Variants in SPRED2 observed in about 807,000 individuals in gnomAD.
SPRED2 encodes sprouty-related, EVH1 domain-containing protein 2.
In SPRED2, 47 loss-of-function variants were observed where a neutral mutation model predicts 43.0. The ratio of observed to expected loss-of-function variants is 1.09; its 90% CI spans 0.87 to 1.40. The LOEUF is 1.40. Ranked by LOEUF, SPRED2 falls within the 40% of genes most tolerant of loss-of-function variation. SPRED2 has a pLI of 0.00. For synonymous variants in SPRED2, 225 were observed against 225.7 expected (o/e 1.00, Z 0.03); for missense variants, 561 against 586.4 (o/e 0.96, Z 0.45).
intron 5 of SPRED2, 35 bp downstream of exon 5, chr2:65,316,699 C>T (rs1250407396): frequency 6.3e-7 from 1 of 1,585,556 alleles, no homozygotes; most frequent in Middle Eastern, 2.1e-4. Context: ...GAGGCACCAC[C>T]CTGATGCCCT....
chr2:65,334,891 G>T, intron 2 of SPRED2, 118 bp from the exon 3 acceptor site: 1 of 983,770 alleles, frequency 1.0e-6, no homozygotes, highest in Non-Finnish European at 1.6e-6. Context: ...TCTAACCCCT[G>T]CCTTCACATA....
intron 1 of SPRED2, among the ~76,000 whole-genome samples, chr2:65,385,760 CT>C (rs1675481158): frequency 6.6e-6 from 1 of 152,106 alleles, no homozygotes; most frequent in African/African-American, 2.4e-5. Context: ...AGGGAAAATG[CT>C]TATGGGCTCT....
intron 1 of SPRED2, among the ~76,000 whole-genome samples, chr2:65,401,921 ATATTAG>A (rs1675898043): frequency 8.9e-6 from 1 of 111,992 alleles, no homozygotes; most frequent in African/African-American, 3.3e-5. Context: ...AACGATCAGA[ATATTAG>A]CGCGCGCGCG....
intron 1 of SPRED2, among the ~76,000 whole-genome samples, chr2:65,363,539 C>T (rs1003390547): frequency 6.6e-6 from 1 of 152,194 alleles, no homozygotes; most frequent in African/African-American, 2.4e-5. Flanking sequence ...GATTTACCTA[C>T]AAGTGTTATT....
chr2:65,316,212 A>G (rs1404454445), intron 5 of SPRED2, among the ~76,000 whole-genome samples: 3 of 152,184 alleles, frequency 2.0e-5, no homozygotes, highest in Non-Finnish European at 4.4e-5. Context: ...GAACTACCGA[A>G]TTCTGAGCTC....
intron 4 of SPRED2, among the ~76,000 whole-genome samples, chr2:65,325,013 T>C (rs1243815719): frequency 6.6e-6 from 1 of 152,198 alleles, no homozygotes; most frequent in Non-Finnish European, 1.5e-5. Flanking sequence ...CCTGGGCTGT[T>C]TTCTCAAGGA....
chr2:65,383,934 A>T (rs1675433816), intron 1 of SPRED2, among the ~76,000 whole-genome samples: 1 of 152,200 alleles, frequency 6.6e-6, no homozygotes. Context: ...TCTGCAGGTC[A>T]TTTGCTGTAG....
chr2:65,320,402 A>G (rs1437895749), intron 4 of SPRED2, among the ~76,000 whole-genome samples: 1 of 152,210 alleles, frequency 6.6e-6, no homozygotes, highest in East Asian at 1.9e-4. Flanking sequence ...CCTAGGACTC[A>G]TTAGTCGATC....
At chr2:65,354,704 G>A (rs1004772788) in intron 1 of SPRED2, among the ~76,000 whole-genome samples, 2 of 151,100 alleles carry the variant, frequency 1.3e-5, no homozygotes, top group African/African-American at 4.9e-5. Flanking sequence ...TAAACCACAA[G>A]AATACTAAAT....
chr2:65,355,243 C>T (rs1316614115), intron 1 of SPRED2, among the ~76,000 whole-genome samples: 2 of 152,088 alleles, frequency 1.3e-5, no homozygotes, highest in East Asian at 3.8e-4. Flanking sequence ...GTATCAGTCA[C>T]GTATCTGTGC....
chr2:65,399,928 C>A (rs1675844271), intron 1 of SPRED2, among the ~76,000 whole-genome samples: 1 of 152,098 alleles, frequency 6.6e-6, no homozygotes, highest in Non-Finnish European at 1.5e-5. Flanking sequence ...AGAACTTATT[C>A]ATGTAACCAA....
rs1008008721 is a variant in SPRED2, at chr2:65,376,203, T to C, written c.27-31307A>G. Among the ~76,000 whole-genome samples, 3 of 152,306 alleles carry C rather than the reference T, an allele frequency of 2.0e-5. No homozygotes were observed. The South Asian group carries it at 6.2e-4, about 32-fold the overall frequency. ...CTTTAGAGGCTGTCAGCTCAGTTTATATTTCAGGGTGAAGAAGGGGAAACG... is the reference window on the plus strand; with the variant it reads ...CTTTAGAGGCTGTCAGCTCAGTTTACATTTCAGGGTGAAGAAGGGGAAACG... On this transcript the variant is annotated intron_variant, in intron 1 of 5. Coordinates refer to ENST00000356388, the MANE Select transcript of SPRED2 (RefSeq NM_181784.3).
At position 65,432,229 on chromosome 2, in the gene SPRED2, C is replaced by A. The variant is rs2103834255; in HGVS notation, c.-242G>T. On this transcript the variant is annotated 5_prime_UTR_variant, in exon 1 of 6. Coordinates refer to ENST00000356388, the MANE Select transcript of SPRED2 (RefSeq NM_181784.3). Reference sequence around the variant, plus strand: ...CCGCAGCGCCGTGGGGAGAGGCGGGCGGAGGCTCCGGGGGCTCGGGAGCGG... The same window carrying A: ...CCGCAGCGCCGTGGGGAGAGGCGGGAGGAGGCTCCGGGGGCTCGGGAGCGG... The A allele has an allele frequency of 2.0e-6, 1 of 493,650 alleles. No homozygotes were observed. Among genetic ancestry groups the A allele is most frequent in the East Asian group, 3.4e-5 (1 of 29,414 alleles). 30.6% of individuals were successfully genotyped at this position (493,650 alleles called of 1,614,324 possible).
chr2:65,414,807 G>A (rs559642040), intron 1 of SPRED2, among the ~76,000 whole-genome samples: 110 of 152,326 alleles, frequency 7.2e-4, no homozygotes, highest in Non-Finnish European at 1.4e-3. Flanking sequence ...GCGGGACAGG[G>A]AGAACAGAGT....
chr2:65,318,177 C>T (rs901852792), intron 4 of SPRED2, among the ~76,000 whole-genome samples: 9 of 152,150 alleles, frequency 5.9e-5, no homozygotes, highest in African/African-American at 2.2e-4. Context: ...TGCCTGCCAC[C>T]ATCCGCGTAA....
chr2:65,329,412 C>T (rs965151971), intron 4 of SPRED2, among the ~76,000 whole-genome samples: 3 of 152,196 alleles, frequency 2.0e-5, no homozygotes, highest in Non-Finnish European at 2.9e-5. Flanking sequence ...TTAATAGGTC[C>T]TTGTTTGTAA....
chr2:65,332,154 G>A (rs1673832253), intron 3 of SPRED2, 103 bp from the exon 4 acceptor site: 2 of 645,124 alleles, frequency 3.1e-6, no homozygotes, highest in African/African-American at 3.8e-5. Context: ...CATTCTTTTT[G>A]CATGTGAATT....
intron 4 of SPRED2, among the ~76,000 whole-genome samples, chr2:65,317,806 C>T (rs967724118): frequency 2.0e-5 from 3 of 152,054 alleles, no homozygotes; most frequent in Non-Finnish European, 4.4e-5. Flanking sequence ...TCACTTTAAA[C>T]TGGAAGTGAG....
intron 4 of SPRED2, among the ~76,000 whole-genome samples, chr2:65,320,581 A>G (rs1673381824): frequency 6.6e-6 from 1 of 152,204 alleles, no homozygotes; most frequent in African/African-American, 2.4e-5. Flanking sequence ...CTCGAGAGGC[A>G]TGTCCACAGT....
Sources: gnomAD v4.1 joint callset for allele counts (sites outside exome capture counted in the v4.1 genomes callset) on GRCh38, gnomAD v4.1.1 for gene constraint, MANE v1.5 for transcripts, NCBI Gene and HGNC (gene_info 2026-07-23, HGNC 2026-07-21) for gene names.